GNG12: variants seen among roughly 807,000 people sequenced by gnomAD.
The protein encoded by GNG12 is guanine nucleotide-binding protein G(I)/G(S)/G(O) subunit gamma-12.
For synonymous variants in GNG12, 28 were observed against 29.7 expected, an observed-to-expected ratio of 0.94 and a Z score of 0.19; for missense variants, 69 against 83.8, an observed-to-expected ratio of 0.82 and a Z score of 0.69.
chr1:67,728,711 G>C (rs1163773645), intron 2 of GNG12, among the ~76,000 whole-genome samples: 1 of 152,154 alleles, frequency 6.6e-6, no homozygotes, highest in African/African-American at 2.4e-5. Context: ...GCTTATGGGA[G>C]AGAGGCAGGG....
At position 67,707,696 on chromosome 1, in the gene GNG12, T is replaced by C. The variant is rs377152082; in HGVS notation, c.-10A>G. ...CTGTTTTGCTGGACATCTTCAATTA[T>C]TGTTTTTACCTGAAATCTGAGGAGA... On this transcript the variant is annotated 5_prime_UTR_variant, in exon 3 of 4. Transcript: ENST00000370982. 3.2e-6 allele frequency: 5 copies of C among 1,584,516 alleles called. No homozygotes were observed. In the South Asian group the frequency reaches 3.5e-5, roughly 11 times the overall value.
intron 1 of GNG12, among the ~76,000 whole-genome samples, chr1:67,831,900 G>A (rs565155136): frequency 1.3e-5 from 2 of 152,308 alleles, no homozygotes; most frequent in East Asian, 3.9e-4. Context: ...CCTAGGTGAG[G>A]GCCGCCATCC....
intron 2 of GNG12, among the ~76,000 whole-genome samples, chr1:67,709,811 GATAT>G (rs560758532): frequency 8.3e-6 from 1 of 121,194 alleles, no homozygotes; most frequent in Non-Finnish European, 1.6e-5. Flanking sequence ...GCAAGTTGCA[GATAT>G]ATATATATAT....
intron 2 of GNG12, among the ~76,000 whole-genome samples, chr1:67,754,173 T>C (rs1462912803): frequency 6.6e-6 from 1 of 152,176 alleles, no homozygotes; most frequent in Non-Finnish European, 1.5e-5. Context: ...TCTGGGCAGC[T>C]GGAGGGCAAG....
At chr1:67,761,619 A>G (rs575249214) in intron 2 of GNG12, among the ~76,000 whole-genome samples, 26 of 152,314 alleles carry the variant, frequency 1.7e-4, no homozygotes, top group African/African-American at 6.3e-4. Context: ...TGCAAGGTCA[A>G]GTGCAGGTCG....
In GNG12 at chr1:67,701,672, T is replaced by C. The variant is rs1021763795; in HGVS notation, c.*3779A>G. On this transcript the variant is annotated 3_prime_UTR_variant, in exon 4 of 4. Coordinates refer to ENST00000370982, the MANE Select transcript of GNG12 (RefSeq NM_018841.6). ...CACAGTATTATGGTTAATAAGATGC[T>C]GGACAGATGCGTAGCCAAAGAATAT... 6.6e-6 allele frequency: 1 copy of C among 152,654 alleles called. No individual in the cohort carries two copies. The highest frequency in any genetic ancestry group is 1.5e-5 in the Non-Finnish European group (1 of 68,034). The allele number at this position is 152,654 out of a possible 1,614,324, so 9.5% of individuals were successfully genotyped here. A position where few individuals can be genotyped will look rare whatever the true frequency, so the allele number is the denominator to read the frequency against.
At chr1:67,766,305 G>A (rs7531367) in intron 2 of GNG12, among the ~76,000 whole-genome samples, 2,496 of 152,198 alleles carry the variant, frequency 0.016, 82 homozygotes, top group African/African-American at 0.057. Flanking sequence ...AAGTTGGCTC[G>A]CATTTCACCG....
intron 2 of GNG12, among the ~76,000 whole-genome samples, chr1:67,738,171 A>G (rs116005555): frequency 0.012 from 1,766 of 152,238 alleles, 40 homozygotes; most frequent in African/African-American, 0.04. Flanking sequence ...TCCTGGGCCC[A>G]CCTCAGCCTC....
chr1:67,770,804 CT>C (rs1210457044), intron 2 of GNG12, among the ~76,000 whole-genome samples: 2 of 147,216 alleles, frequency 1.4e-5, no homozygotes, highest in Non-Finnish European at 2.9e-5. Flanking sequence ...CACACTCCCC[CT>C]GACCCCACAA....
At chr1:67,807,724 C>T (rs11209156) in intron 1 of GNG12, among the ~76,000 whole-genome samples, 33,945 of 151,896 alleles carry the variant, frequency 0.22, 4,272 homozygotes, top group East Asian at 0.4. Flanking sequence ...ATGAAATGGA[C>T]ATACTCCTTG....
chr1:67,779,712 A>G (rs951471020), intron 1 of GNG12, among the ~76,000 whole-genome samples: 1 of 152,166 alleles, frequency 6.6e-6, no homozygotes, highest in Non-Finnish European at 1.5e-5. Context: ...TCAAATGGCA[A>G]TTATACACTA....
At chr1:67,740,651 TTGAAATCCTAACCCCATGG>T (rs1421525865) in intron 2 of GNG12, among the ~76,000 whole-genome samples, 1 of 152,246 alleles carries the variant, frequency 6.6e-6, no homozygotes, top group Non-Finnish European at 1.5e-5. Context: ...AATTCATATG[TTGAAATCCTAACCCCATGG>T]TGACAGTATT....
At chr1:67,796,692 A>C (rs1646833259) in intron 1 of GNG12, among the ~76,000 whole-genome samples, 1 of 152,180 alleles carries the variant, frequency 6.6e-6, no homozygotes, top group Non-Finnish European at 1.5e-5. Flanking sequence ...CAGATAGGTA[A>C]AGTCAATTAC....
rs56084524 is a variant in GNG12 at position 67,787,036 on chromosome 1, A to AGTGTGTGTGTGTGT, written c.-76-9543_-76-9530dup. Among the ~76,000 whole-genome samples, 59 of 131,422 alleles carry AGTGTGTGTGTGTGT rather than the reference A, an allele frequency of 4.5e-4. 1 individual carries two copies. The highest frequency in any genetic ancestry group is 3.7e-3 in the Middle Eastern group (1 of 270). The allele number at this position is 131,422 out of a possible 152,430, so 86.2% of individuals were successfully genotyped here. ...GTGTGTGTATATATGTATGTGTATAAGTGTGTGTGTGTGTGTGTGTGTGTG... is the reference window on the plus strand; with the variant it reads ...GTGTGTGTATATATGTATGTGTATAAGTGTGTGTGTGTGTGTGTGTGTGTGTGTGTGTGTGTGTG... On this transcript the variant is annotated intron_variant, in intron 1 of 3. Transcript: ENST00000370982.
At chr1:67,720,292 G>A (rs1646349757) in intron 2 of GNG12, among the ~76,000 whole-genome samples, 1 of 152,224 alleles carries the variant, frequency 6.6e-6, no homozygotes, top group Non-Finnish European at 1.5e-5. Context: ...CGGGCCCATG[G>A]GGAGTAGCCC....
intron 2 of GNG12, among the ~76,000 whole-genome samples, chr1:67,734,475 T>A (rs1646440429): frequency 6.6e-6 from 1 of 152,220 alleles, no homozygotes; most frequent in African/African-American, 2.4e-5. Context: ...ACAGTCACCC[T>A]ATGCAAGAGT....
rs1319390820 is a variant in GNG12, at chr1:67,704,524, T to G, written c.*927A>C. ...CCTGCTCCTCTCTCAGCTGGGCTCA[T>G]GTTCACTCCGTTTCATTCCAATCAT... On this transcript the variant is annotated 3_prime_UTR_variant, in exon 4 of 4. Coordinates refer to ENST00000370982, the MANE Select transcript of GNG12 (RefSeq NM_018841.6). 2 of 152,542 alleles carry G rather than the reference T, an allele frequency of 1.3e-5. No homozygotes were observed. Among genetic ancestry groups the G allele is most frequent in the African/African-American group, 4.8e-5 (2 of 41,416 alleles). The allele number at this position is 152,542 out of a possible 1,614,324, so 9.4% of individuals were successfully genotyped here.
At chr1:67,804,453 T>C (rs1331100741) in intron 1 of GNG12, among the ~76,000 whole-genome samples, 1 of 152,134 alleles carries the variant, frequency 6.6e-6, no homozygotes, top group Admixed American at 6.5e-5. Flanking sequence ...CTCTGTCCAG[T>C]TGAGACAACT....
intron 2 of GNG12, among the ~76,000 whole-genome samples, chr1:67,711,931 C>T (rs531247952): frequency 2.0e-5 from 3 of 152,270 alleles, no homozygotes; most frequent in Admixed American, 6.5e-5. Context: ...AAAATTAGAC[C>T]GTTTCAAGTT....
Sources: gnomAD v4.1 joint callset for allele counts (sites outside exome capture counted in the v4.1 genomes callset) on GRCh38, gnomAD v4.1.1 for gene constraint, MANE v1.5 for transcripts, NCBI Gene and HGNC (gene_info 2026-07-23, HGNC 2026-07-21) for gene names.